Variants in MYO9A observed in about 807,000 individuals in gnomAD.
The protein encoded by MYO9A is unconventional myosin-IXa.
Under a neutral mutation model 293.3 loss-of-function variants are expected in MYO9A, and 103 were observed. The ratio of observed to expected loss-of-function variants is 0.35; its 90% CI spans 0.30 to 0.41. The LOEUF is 0.41. Among genes scored for constraint, MYO9A ranks in the 10% least tolerant of loss-of-function variants. The pLI, the probability that MYO9A is intolerant of heterozygous loss-of-function variation, is 1.00. For synonymous variants in MYO9A, 1,001 were observed against 1,035.7 expected (o/e 0.97, Z 0.64); for missense variants, 2,685 against 3,033.0 (o/e 0.89, Z 2.69).
rs56144777 is a variant in MYO9A at position 71,903,798 on chromosome 15, G to A, written c.2877+131C>T. The A allele has an allele frequency of 2.0e-3, 1,507 of 742,232 alleles. 11 individuals carry two copies. The highest frequency in any genetic ancestry group is 2.9e-3 in the Non-Finnish European group (1,322 of 455,568). 46.0% of individuals were successfully genotyped at this position (742,232 alleles called of 1,614,324 possible). A position where few individuals can be genotyped will look rare whatever the true frequency, so the allele number is the denominator to read the frequency against. On this transcript the variant is annotated intron_variant, in intron 21 of 41. Transcript: ENST00000356056. ...ATACTGTCTATCCCTTTTCAATTCCGTATACAAAACGTGAAATGGAAAGGA... is the reference window on the plus strand; with the variant it reads ...ATACTGTCTATCCCTTTTCAATTCCATATACAAAACGTGAAATGGAAAGGA...
At chr15:71,892,998 G>C in intron 26 of MYO9A, 1 of 1,287,066 alleles carries the variant, frequency 7.8e-7, no homozygotes, top group Non-Finnish European at 1.0e-6. Flanking sequence ...CCTGACCCAG[G>C]CTGGGTGCAG....
At chr15:72,077,484 G>A (rs2079389791) in intron 1 of MYO9A, among the ~76,000 whole-genome samples, 1 of 151,894 alleles carries the variant, frequency 6.6e-6, no homozygotes, top group African/African-American at 2.4e-5. Flanking sequence ...TTGAGGTCAG[G>A]AGTTTAAGAC....
At position 72,046,625 on chromosome 15, in the gene MYO9A, G is replaced by T; in HGVS notation, c.-62C>A. The T allele has an allele frequency of 6.9e-7, 1 of 1,443,914 alleles. No individual in the cohort carries two copies. Among genetic ancestry groups the T allele is most frequent in the Non-Finnish European group, 9.1e-7 (1 of 1,096,258 alleles). 89.4% of individuals were successfully genotyped at this position (1,443,914 alleles called of 1,614,324 possible). ...TCAAAGTCGTGCAAACCATTTTCTT[G>T]GTAAAATAACTGTAACATAAAAGAT... is the stretch of plus-strand genomic sequence containing the variant. On this transcript the variant is annotated 5_prime_UTR_variant, in exon 2 of 42. Coordinates refer to ENST00000356056, the MANE Select transcript of MYO9A (RefSeq NM_006901.4).
At chr15:72,036,218 G>A (rs889146822) in intron 2 of MYO9A, among the ~76,000 whole-genome samples, 1 of 152,094 alleles carries the variant, frequency 6.6e-6, no homozygotes, top group Non-Finnish European at 1.5e-5. Context: ...CAGCAGAAAT[G>A]GTTGCCCCAT....
In MYO9A at chr15:71,983,470, CTTTTTTT is replaced by C. The variant is rs1170508506; in HGVS notation, c.1723-5185_1723-5179del. On this transcript the variant is annotated intron_variant, in intron 11 of 41. Transcript: ENST00000356056. ...AAATAGTTTTTTATTTTTTTTATTT[CTTTTTTT>C]TTTTTTTTTTTTTTTTTGAGATGGA... is the stretch of plus-strand genomic sequence containing the variant. Among the ~76,000 whole-genome samples, 344 of 72,878 alleles carry C rather than the reference CTTTTTTT, an allele frequency of 4.7e-3. 2 individuals carry two copies. The highest frequency in any genetic ancestry group is 0.016 in the African/African-American group (279 of 17,856). The allele number at this position is 72,878 out of a possible 152,430, so 47.8% of individuals were successfully genotyped here.
intron 13 of MYO9A, among the ~76,000 whole-genome samples, chr15:71,967,062 C>T (rs2147246989): frequency 6.6e-6 from 1 of 152,280 alleles, no homozygotes; most frequent in South Asian, 2.1e-4. Flanking sequence ...ATCAAGGTAA[C>T]ATTTATTTCA....
At position 71,991,249 on chromosome 15, in the gene MYO9A, G is replaced by C. The variant is rs375897208; in HGVS notation, c.1588-12C>G. 1.3e-6 allele frequency: 2 copies of C among 1,563,540 alleles called. No homozygotes were observed. Among genetic ancestry groups the C allele is most frequent in the Non-Finnish European group, 8.6e-7 (1 of 1,156,550 alleles). On this transcript the variant is annotated splice_polypyrimidine_tract_variant and intron_variant, in intron 10 of 41. Transcript: ENST00000356056. ...CCAATAGACAATGTCTGTAAAACAA[G>C]AGAAAGTTTTGATTAAAAGTAATGT...
Position 71,896,577 on chromosome 15 carries a change from C to T in MYO9A, c.5042+884G>A, listed in dbSNP as rs932407038. 2.6e-5 allele frequency among the ~76,000 whole-genome samples: 4 copies of T among 152,016 alleles called. 1 individual carries two copies. The Middle Eastern group carries it at 0.01, about 388-fold the overall frequency. On this transcript the variant is annotated intron_variant, in intron 25 of 41. Coordinates refer to ENST00000356056, the MANE Select transcript of MYO9A (RefSeq NM_006901.4). ...GGTGGATCACCTGAGGTCAGGAGTTCGAGACCAGCCTGACAAATATGGTGA... is the reference window on the plus strand; with the variant it reads ...GGTGGATCACCTGAGGTCAGGAGTTTGAGACCAGCCTGACAAATATGGTGA...
rs761727622 is a variant in MYO9A, at chr15:71,850,182, A to G, written c.6582-15T>C. 1.2e-6 allele frequency: 2 copies of G among 1,613,620 alleles called. No homozygotes were observed. The highest frequency in any genetic ancestry group is 2.2e-5 in the South Asian group (2 of 91,068). ...GCAGAGCAATCCTAAGAATTAAAAC[A>G]AAACAAAAAACAAATGAGTAAGGGA... is the stretch of plus-strand genomic sequence containing the variant. On this transcript the variant is annotated splice_polypyrimidine_tract_variant and intron_variant, in intron 37 of 41. Coordinates refer to ENST00000356056, the MANE Select transcript of MYO9A (RefSeq NM_006901.4).
chr15:71,866,260 A>G (rs2056320117), intron 32 of MYO9A, among the ~76,000 whole-genome samples: 2 of 152,228 alleles, frequency 1.3e-5, no homozygotes, highest in African/African-American at 4.8e-5. Flanking sequence ...TATATAAACT[A>G]GACTCGAGTT....
intron 32 of MYO9A, among the ~76,000 whole-genome samples, chr15:71,869,490 T>G (rs35991610): frequency 2.6e-5 from 4 of 152,192 alleles, no homozygotes; most frequent in Non-Finnish European, 5.9e-5. Context: ...TGTTCTTGAT[T>G]AAAAGAGATT....
intron 6 of MYO9A, among the ~76,000 whole-genome samples, chr15:72,017,774 G>A (rs899536612): frequency 4.6e-5 from 7 of 152,100 alleles, no homozygotes; most frequent in Admixed American, 1.3e-4. Context: ...ACTAAGAAAT[G>A]TTTTCAGAAA....
At chr15:72,019,494 A>T (rs1250260391) in intron 5 of MYO9A, among the ~76,000 whole-genome samples, 3 of 152,214 alleles carry the variant, frequency 2.0e-5, no homozygotes, top group African/African-American at 7.2e-5. Context: ...TAATCACCCA[A>T]ATATAATGCA....
rs913273315 is a variant in MYO9A at position 72,029,377 on chromosome 15, C to T, written c.936-1584G>A. Among the ~76,000 whole-genome samples, 7 of 152,202 alleles carry T rather than the reference C, an allele frequency of 4.6e-5. No individual in the cohort carries two copies. The East Asian group carries it at 1.3e-3, about 29-fold the overall frequency. ...CCCTGATAGTATAGCCTACTACACA[C>T]TTAGGCCTTATCTTATAGCCTATTG... On this transcript the variant is annotated intron_variant, in intron 3 of 41. Transcript: ENST00000356056.
In MYO9A at chr15:72,118,089, A is replaced by ACCCCGCGCACGCGGCCCCG; in HGVS notation, c.-500_-482dup. On this transcript the variant is annotated 5_prime_UTR_variant, in exon 1 of 42. Coordinates refer to ENST00000356056, the MANE Select transcript of MYO9A (RefSeq NM_006901.4). ...TATCCGCTTCGGTCGCGCGCCCCCG[A>ACCCCGCGCACGCGGCCCCG]CCCCGCGCACGCGGCCCCGCCCCGC... The ACCCCGCGCACGCGGCCCCG allele has an allele frequency of 2.6e-6, 1 of 391,628 alleles. No individual in the cohort carries two copies. The highest frequency in any genetic ancestry group is 4.5e-6 in the Non-Finnish European group (1 of 221,854). 24.3% of individuals were successfully genotyped at this position (391,628 alleles called of 1,614,324 possible). A position where few individuals can be genotyped will look rare whatever the true frequency, so the allele number is the denominator to read the frequency against.
Position 71,904,964 on chromosome 15 carries a change from G to T in MYO9A, c.2728C>A (p.Pro910Thr). 6.2e-7 allele frequency: 1 copy of T among 1,604,852 alleles called. No homozygotes were observed. The highest frequency in any genetic ancestry group is 8.5e-7 in the Non-Finnish European group (1 of 1,174,120). ...KLMETLGQAE[P>T]YFVKCIRSNA... ...GAGCGAATGCATTTTACAAAATATG[G>T]TTCTGCTTGACCAAGTGTTTCCATT... Residue 910 changes from proline (P) to threonine (T), a missense_variant, in exon 20 of 42, where the codon CCA becomes ACA. Pro to Thr is a conservative substitution (Grantham distance 38). Coordinates refer to ENST00000356056, the MANE Select transcript of MYO9A (RefSeq NM_006901.4).
Position 71,927,367 on chromosome 15 carries a change from C to T in MYO9A, c.2562+6303G>A, listed in dbSNP as rs78032288. Among the ~76,000 whole-genome samples, 732 of 152,226 alleles carry T rather than the reference C, an allele frequency of 4.8e-3. 5 individuals carry two copies. Among genetic ancestry groups the T allele is most frequent in the African/African-American group, 0.017 (705 of 41,536 alleles). Reference sequence around the variant, plus strand: ...CAGAAGCTTTTGAGTTTGATGCAATCCCATTTGTCTATTACTGCTTTCGTT... The same window carrying T: ...CAGAAGCTTTTGAGTTTGATGCAATTCCATTTGTCTATTACTGCTTTCGTT... On this transcript the variant is annotated intron_variant, in intron 18 of 41. Transcript: ENST00000356056.
At chr15:72,042,670 A>T (rs1237032535) in intron 2 of MYO9A, among the ~76,000 whole-genome samples, 1 of 148,244 alleles carries the variant, frequency 6.7e-6, no homozygotes, top group Non-Finnish European at 1.5e-5. Flanking sequence ...TCAAGCAAGA[A>T]AAAAAAAAAA....
chr15:71,905,518 C>T (rs1318532377), intron 19 of MYO9A, among the ~76,000 whole-genome samples: 1 of 152,006 alleles, frequency 6.6e-6, no homozygotes, highest in African/African-American at 2.4e-5. Context: ...GGCATGGTGG[C>T]TCACGCCTAT....
Sources: gnomAD v4.1 joint callset for allele counts (sites outside exome capture counted in the v4.1 genomes callset) on GRCh38, gnomAD v4.1.1 for gene constraint, MANE v1.5 for transcripts, NCBI Gene and HGNC (gene_info 2026-07-23, HGNC 2026-07-21) for gene names.